Variants in EHHADH observed in about 807,000 individuals in gnomAD.
EHHADH encodes peroxisomal bifunctional enzyme.
Under a neutral mutation model 64.4 loss-of-function variants are expected in EHHADH, and 48 were observed. That is an observed-to-expected ratio of 0.75 (90% CI 0.59 to 0.95). The LOEUF (loss-of-function observed/expected upper bound fraction) is 0.95. EHHADH is among the 40% of genes least tolerant of loss of function. EHHADH has a pLI of 0.00. For synonymous variants in EHHADH, 308 were observed against 326.7 expected, an observed-to-expected ratio of 0.94 and a Z score of 0.62; for missense variants, 854 against 876.6, an observed-to-expected ratio of 0.97 and a Z score of 0.33.
At chr3:185,253,156 G>A (rs1425053149) in intron 1 of EHHADH, 1 of 151,898 alleles carries the variant, frequency 6.6e-6, no homozygotes, top group Non-Finnish European at 1.5e-5. Flanking sequence ...AAACAAATCA[G>A]GAGAAATAAT....
At chr3:185,204,854 C>T in intron 5 of EHHADH, 97 bp from the exon 6 acceptor site, 1 of 1,007,458 alleles carries the variant, frequency 9.9e-7, no homozygotes, top group South Asian at 1.7e-5. Flanking sequence ...AAATTCAAAG[C>T]ACAAACTAAA....
chr3:185,221,941 T>C (rs1718846403), intron 4 of EHHADH, among the ~76,000 whole-genome samples: 1 of 152,186 alleles, frequency 6.6e-6, no homozygotes, highest in Non-Finnish European at 1.5e-5. Context: ...TATACGGATT[T>C]CTACTAGCAG....
intron 2 of EHHADH, among the ~76,000 whole-genome samples, chr3:185,240,212 C>A (rs1467773794): frequency 6.7e-6 from 1 of 149,134 alleles, no homozygotes; most frequent in African/African-American, 2.5e-5. Context: ...GTTATATTGG[C>A]CTTTAGTTTT....
At chr3:185,208,985 A>G (rs545356059) in intron 5 of EHHADH, among the ~76,000 whole-genome samples, 3 of 152,340 alleles carry the variant, frequency 2.0e-5, no homozygotes, top group Admixed American at 2.0e-4. Context: ...ATGCAAATCT[A>G]TAGAGACAGA....
At position 185,245,922 on chromosome 3, in the gene EHHADH, A is replaced by G. The variant is rs576765272; in HGVS notation, c.178+2492T>C. ...AACACACAATTCAGCAGCTCCTCTT[A>G]TGTGTAGTCTCCTTCTGAGCCTGCC... On this transcript the variant is annotated intron_variant, in intron 2 of 6. Transcript: ENST00000231887. The G allele has an allele frequency of 7.0e-5, 95 of 1,351,522 alleles. No homozygotes were observed. The African/African-American group carries it at 1.3e-3, about 18-fold the overall frequency. 83.7% of individuals were successfully genotyped at this position (1,351,522 alleles called of 1,614,324 possible). A position where few individuals can be genotyped will look rare whatever the true frequency, so the allele number is the denominator to read the frequency against.
At chr3:185,240,224 GT>G (rs200285783) in intron 2 of EHHADH, among the ~76,000 whole-genome samples, 32 of 124,982 alleles carry the variant, frequency 2.6e-4, no homozygotes, top group East Asian at 6.4e-4. Context: ...TTTAGTTTTT[GT>G]TTTTTTTTTT....
intron 4 of EHHADH, 96 bp downstream of exon 4, chr3:185,229,336 T>A (rs990508865): frequency 5.1e-6 from 3 of 582,804 alleles, no homozygotes; most frequent in Non-Finnish European, 7.9e-6. Context: ...CCTTTTATGG[T>A]TACATAGGGA....
intron 4 of EHHADH, among the ~76,000 whole-genome samples, chr3:185,218,724 G>A (rs1718758671): frequency 1.3e-5 from 2 of 151,344 alleles, no homozygotes; most frequent in South Asian, 2.1e-4. Flanking sequence ...GGCTGTGGAT[G>A]GTTAAAAAAA....
chr3:185,246,742 T>C (rs1309028086), intron 2 of EHHADH, among the ~76,000 whole-genome samples: 2 of 152,194 alleles, frequency 1.3e-5, no homozygotes, highest in Non-Finnish European at 2.9e-5. Context: ...TCTATTTCAT[T>C]AATTTCTCCT....
At chr3:185,246,606 T>C (rs1719602746) in intron 2 of EHHADH, among the ~76,000 whole-genome samples, 1 of 152,222 alleles carries the variant, frequency 6.6e-6, no homozygotes, top group South Asian at 2.1e-4. Context: ...TCTGCAATGA[T>C]ATCCCTTTCA....
In EHHADH at chr3:185,235,207, C is replaced by T. The variant is rs143790145; in HGVS notation, c.351+83G>A. On this transcript the variant is annotated intron_variant, in intron 3 of 6. Transcript: ENST00000231887. ...AAAAACAAATAAATAAAATAATCAC[C>T]GCTGATACTTATGACTACATTTAGA... The T allele has an allele frequency of 5.6e-4, 731 of 1,304,880 alleles. 6 individuals are homozygous for T. The African/African-American group carries it at 8.4e-3, about 15-fold the overall frequency. The allele number at this position is 1,304,880 out of a possible 1,614,324, so 80.8% of individuals were successfully genotyped here. A position where few individuals can be genotyped will look rare whatever the true frequency, so the allele number is the denominator to read the frequency against.
rs1309993302 is a variant in EHHADH, at chr3:185,253,955, G to C, written c.68C>G (p.Ala23Gly). 5 of 1,614,108 alleles carry C rather than the reference G, an allele frequency of 3.1e-6. No individual in the cohort carries two copies. The highest frequency in any genetic ancestry group is 1.1e-5 in the South Asian group (1 of 91,076). ...AGGCGACCGAGCCCGTTACCTGATCGCGTTGACCGGCGGGTTTCGGAGGCG... is the reference window on the plus strand; with the variant it reads ...AGGCGACCGAGCCCGTTACCTGATCCCGTTGACCGGCGGGTTTCGGAGGCG... Reference protein sequence around the residue: ...LIRLRNPPVNAISTTLLRDIK... With the variant: ...LIRLRNPPVNGISTTLLRDIK... The change falls in exon 1 of 7, where the codon GCG becomes GGG. Residue 23 changes from alanine (A) to glycine (G), a missense_variant. Transcript: ENST00000231887.
chr3:185,248,192 A>C (rs1411510752), intron 2 of EHHADH: 2 of 497,852 alleles, frequency 4.0e-6, no homozygotes, highest in African/African-American at 3.9e-5. Flanking sequence ...CTGGAACTAA[A>C]TATACTCTAA....
At chr3:185,250,336 C>T (rs1030846179) in intron 1 of EHHADH, among the ~76,000 whole-genome samples, 10 of 152,174 alleles carry the variant, frequency 6.6e-5, no homozygotes, top group Non-Finnish European at 1.3e-4. Flanking sequence ...GGCAGATCCT[C>T]TGGATATATC....
intron 6 of EHHADH, among the ~76,000 whole-genome samples, chr3:185,197,406 C>T (rs1192462112): frequency 1.3e-5 from 2 of 152,186 alleles, no homozygotes; most frequent in East Asian, 1.9e-4. Flanking sequence ...AGAACTCTTT[C>T]GAATTGCAAA....
chr3:185,205,630 C>T (rs1387524288), intron 5 of EHHADH, among the ~76,000 whole-genome samples: 2 of 151,984 alleles, frequency 1.3e-5, no homozygotes, highest in African/African-American at 2.4e-5. Context: ...AGAATCGGAG[C>T]AACATTAACA....
chr3:185,211,515 A>C lies in EHHADH; in HGVS notation c.568+6621T>G, dbSNP rs16859819. On this transcript the variant is annotated intron_variant, in intron 5 of 6. Coordinates refer to ENST00000231887, the MANE Select transcript of EHHADH (RefSeq NM_001966.4). Reference sequence around the variant, plus strand: ...TCTGCCTAGGCTAAAGAGAGACTCAACATGCGGTTCACGGAAATCGTGAAC... The same window carrying C: ...TCTGCCTAGGCTAAAGAGAGACTCACCATGCGGTTCACGGAAATCGTGAAC... Among the ~76,000 whole-genome samples the C allele has an allele frequency of 6.5e-3, 986 of 152,334 alleles. 11 individuals carry two copies. Among genetic ancestry groups the C allele is most frequent in the African/African-American group, 0.022 (916 of 41,564 alleles).
At chr3:185,214,757 T>C (rs956384698) in intron 5 of EHHADH, among the ~76,000 whole-genome samples, 8 of 152,230 alleles carry the variant, frequency 5.3e-5, no homozygotes, top group African/African-American at 1.9e-4. Context: ...GAAGTTGTAA[T>C]AGCTGAATGG....
chr3:185,204,891 C>T (rs1718344341), intron 5 of EHHADH, 134 bp from the exon 6 acceptor site: 2 of 676,864 alleles, frequency 3.0e-6, no homozygotes, highest in African/African-American at 1.8e-5. Flanking sequence ...ATTTAATGTA[C>T]ACTAAACATA....
Sources: gnomAD v4.1 joint callset for allele counts (sites outside exome capture counted in the v4.1 genomes callset) on GRCh38, gnomAD v4.1.1 for gene constraint, MANE v1.5 for transcripts, NCBI Gene and HGNC (gene_info 2026-07-23, HGNC 2026-07-21) for gene names.